The following CIMIP2A variants were observed in gnomAD, a reference collection of about 807,000 sequenced individuals.
The protein encoded by CIMIP2A is ciliary microtubule inner protein 2A.
At chr9:137,247,517 C>G in the CIMIP2A span, 4 of 754,672 alleles carry the variant, frequency 5.3e-6, no homozygotes, top group Admixed American at 1.0e-4. Flanking sequence ...AGCCCACAGA[C>G]TGCAGTGCCC....
the CIMIP2A span, among the ~76,000 whole-genome samples, chr9:137,248,542 C>CAAA: frequency 1.3e-4 from 14 of 109,464 alleles, no homozygotes; most frequent in Non-Finnish European, 2.0e-4. Context: ...GACTCTGTCT[C>CAAA]AAAAAAAAAA....
chr9:137,249,459 T>C, the CIMIP2A span, among the ~76,000 whole-genome samples: 1 of 152,332 alleles, frequency 6.6e-6, no homozygotes, highest in South Asian at 2.1e-4. Flanking sequence ...CATATTCCCA[T>C]AGCCCTTGGT....
the CIMIP2A span, chr9:137,245,449 G>C: frequency 6.2e-7 from 1 of 1,613,988 alleles, no homozygotes; most frequent in Non-Finnish European, 8.5e-7. Context: ...GAAGCCTGCA[G>C]GCAGCAGAAT....
At chr9:137,245,272 G>A in the CIMIP2A span, 34 of 1,574,024 alleles carry the variant, frequency 2.2e-5, no homozygotes, top group Middle Eastern at 1.7e-4. Context: ...GGGGCTGAGC[G>A]GAATGGGCTT....
At chr9:137,245,468 GTATGTTCTC>G in the CIMIP2A span, 1 of 1,613,922 alleles carries the variant, frequency 6.2e-7, no homozygotes, top group Non-Finnish European at 8.5e-7. Flanking sequence ...ATCTGTCTGG[GTATGTTCTC>G]TACCCCTGGC....
chr9:137,246,656 G>A, the CIMIP2A span, among the ~76,000 whole-genome samples: 2 of 152,124 alleles, frequency 1.3e-5, no homozygotes, highest in African/African-American at 4.8e-5. Flanking sequence ...CCAGCTGCTC[G>A]GGAGGCTGAG....
the CIMIP2A span, chr9:137,244,750 G>A: frequency 3.1e-6 from 5 of 1,610,866 alleles, no homozygotes; most frequent in African/African-American, 1.3e-5. Context: ...GGGGTAGGCA[G>A]ATGTACGGGC....
At chr9:137,251,019 G>A in the CIMIP2A span, 1 of 464,464 alleles carries the variant, frequency 2.2e-6, no homozygotes. Context: ...GGAGACCCCA[G>A]GGTGCAGGAG....
the CIMIP2A span, among the ~76,000 whole-genome samples, chr9:137,254,101 G>A: frequency 3.3e-5 from 5 of 152,188 alleles, no homozygotes; most frequent in African/African-American, 9.7e-5. Flanking sequence ...CTGCGGTGCC[G>A]TCACCCGCAC....
chr9:137,252,409 C>T, the CIMIP2A span: 6 of 1,600,906 alleles, frequency 3.7e-6, no homozygotes, highest in Non-Finnish European at 5.1e-6. Flanking sequence ...GGCTCCCAGC[C>T]TTCTCTCTCT....
the CIMIP2A span, chr9:137,252,058 ACCAGGTG>A: frequency 6.2e-7 from 1 of 1,613,010 alleles, no homozygotes; most frequent in African/African-American, 1.3e-5. Flanking sequence ...CCCACCAGGT[ACCAGGTG>A]CCGAGCCCGT....
chr9:137,247,743 C>T, the CIMIP2A span: 1 of 1,609,562 alleles, frequency 6.2e-7, no homozygotes, highest in South Asian at 1.1e-5. Context: ...CTTGCTGGCT[C>T]CAGTCCCTCC....
chr9:137,245,660 G>T, the CIMIP2A span: 1 of 1,606,852 alleles, frequency 6.2e-7, no homozygotes, highest in Non-Finnish European at 8.5e-7. Context: ...GGGATGTAGG[G>T]CTCCGTCAGG....
At chr9:137,253,305 G>A in the CIMIP2A span, 1 of 1,559,912 alleles carries the variant, frequency 6.4e-7, no homozygotes, top group Non-Finnish European at 8.7e-7. Flanking sequence ...CCTCCCCCGG[G>A]GCTTTCCCAG....
the CIMIP2A span, chr9:137,244,264 C>T: frequency 3.1e-6 from 5 of 1,613,832 alleles, no homozygotes; most frequent in Non-Finnish European, 4.2e-6. Flanking sequence ...TCGCCCAGGT[C>T]ACAGTGGGGG....
the CIMIP2A span, chr9:137,245,595 C>T: frequency 6.2e-7 from 1 of 1,613,468 alleles, no homozygotes; most frequent in Non-Finnish European, 8.5e-7. Context: ...CCGGGACAGG[C>T]AGGCGGGCAC....
chr9:137,251,437 A>C, the CIMIP2A span: 3 of 1,456,676 alleles, frequency 2.1e-6, no homozygotes, highest in Non-Finnish European at 2.9e-6. Context: ...GCCAGCTGGG[A>C]GTGGCCAGGG....
At chr9:137,247,106 A>G in the CIMIP2A span, among the ~76,000 whole-genome samples, 1 of 152,058 alleles carries the variant, frequency 6.6e-6, no homozygotes, top group African/African-American at 2.4e-5. Context: ...ACCAACATAA[A>G]GAAACCTCGT....
At chr9:137,251,361 T>C in the CIMIP2A span, 20 of 1,613,268 alleles carry the variant, frequency 1.2e-5, no homozygotes, top group Non-Finnish European at 1.6e-5. Context: ...ACTGGACCCA[T>C]GGTCACCTGA....
Sources: gnomAD v4.1 joint callset for allele counts (sites outside exome capture counted in the v4.1 genomes callset) on GRCh38, gnomAD v4.1.1 for gene constraint, MANE v1.5 for transcripts, NCBI Gene and HGNC (gene_info 2026-07-23, HGNC 2026-07-21) for gene names.